Variants in TMTC2 observed in about 807,000 individuals in gnomAD.
TMTC2 encodes the protein transmembrane O-mannosyltransferase targeting cadherins 2, also known as protein O-mannosyl-transferase TMTC2.
Under a neutral mutation model 82.4 loss-of-function variants are expected in TMTC2, and 43 were observed. The ratio of observed to expected loss-of-function variants is 0.52; its 90% CI spans 0.41 to 0.67. The LOEUF (loss-of-function observed/expected upper bound fraction) is 0.67. Ranked by LOEUF, TMTC2 falls within the 30% of genes least tolerant of loss-of-function variation. The pLI is 0.00. For synonymous variants in TMTC2, 408 were observed against 381.9 expected (o/e 1.07, Z -0.80); for missense variants, 919 against 1,012.4 (o/e 0.91, Z 1.25).
rs1187567096 is a variant in TMTC2 at position 82,935,132 on chromosome 12, A to AC, written c.1598+4587_1598+4588insC. ...CATGGTATAGAATTTTGGTAAAAAA[A>AC]ATATCATTGGGTTTGCATACCTGTG... On this transcript the variant is annotated intron_variant, in intron 4 of 11. Transcript: ENST00000321196. 2.6e-5 allele frequency among the ~76,000 whole-genome samples: 4 copies of AC among 152,160 alleles called. No individual in the cohort carries two copies. The East Asian group carries it at 7.7e-4, about 29-fold the overall frequency.
intron 8 of TMTC2, among the ~76,000 whole-genome samples, chr12:83,026,777 G>C (rs1435094762): frequency 7.3e-5 from 11 of 151,070 alleles, no homozygotes; most frequent in Non-Finnish European, 1.6e-4. Flanking sequence ...TGTGTATTTT[G>C]TGGTTAGATA....
intron 7 of TMTC2, among the ~76,000 whole-genome samples, chr12:82,976,858 T>G (rs1160761758): frequency 6.6e-6 from 1 of 152,046 alleles, no homozygotes; most frequent in Non-Finnish European, 1.5e-5. Context: ...AAGAATTATC[T>G]GGAAATTTCT....
At chr12:82,728,645 C>A (rs1347094402) in intron 1 of TMTC2, among the ~76,000 whole-genome samples, 2 of 152,348 alleles carry the variant, frequency 1.3e-5, no homozygotes, top group South Asian at 2.1e-4. Context: ...TGGGCACCTC[C>A]TCGGCCTTGG....
intron 8 of TMTC2, among the ~76,000 whole-genome samples, chr12:82,995,379 C>G (rs1231370975): frequency 6.6e-6 from 1 of 151,988 alleles, no homozygotes; most frequent in Non-Finnish European, 1.5e-5. Context: ...CACATCTGTT[C>G]TAAGATGTGA....
intron 1 of TMTC2, among the ~76,000 whole-genome samples, chr12:82,843,300 T>C (rs1242746869): frequency 6.6e-6 from 1 of 151,994 alleles, no homozygotes; most frequent in Non-Finnish European, 1.5e-5. Context: ...TTGGCCAGGC[T>C]GGTCTCGAAC....
chr12:82,753,833 A>C (rs1876149813), intron 1 of TMTC2, among the ~76,000 whole-genome samples: 2 of 152,216 alleles, frequency 1.3e-5, no homozygotes, highest in African/African-American at 4.8e-5. Context: ...CTTGTGTCTT[A>C]TGGTGATGAA....
At chr12:83,116,063 C>A (rs1021597339) in intron 11 of TMTC2, among the ~76,000 whole-genome samples, 1 of 152,070 alleles carries the variant, frequency 6.6e-6, no homozygotes, top group African/African-American at 2.4e-5. Flanking sequence ...AATCTTTTAT[C>A]CTTCACCACC....
At chr12:82,828,508 CAT>C (rs1869562963) in intron 1 of TMTC2, among the ~76,000 whole-genome samples, 2 of 152,088 alleles carry the variant, frequency 1.3e-5, no homozygotes, top group Non-Finnish European at 2.9e-5. Flanking sequence ...CCAGGATGAA[CAT>C]TTGAAATGCT....
chr12:82,867,332 A>C (rs745674209), intron 2 of TMTC2, among the ~76,000 whole-genome samples: 3 of 152,226 alleles, frequency 2.0e-5, no homozygotes, highest in Admixed American at 6.5e-5. Flanking sequence ...AATAAAATGC[A>C]GAGATCATAG....
At chr12:83,098,213 C>A (rs559314966) in intron 11 of TMTC2, among the ~76,000 whole-genome samples, 1 of 152,310 alleles carries the variant, frequency 6.6e-6, no homozygotes, top group Admixed American at 6.5e-5. Flanking sequence ...AGCCTATCAT[C>A]CCAGCACATC....
chr12:83,038,016 T>C (rs1409418581), intron 9 of TMTC2, among the ~76,000 whole-genome samples: 2 of 151,494 alleles, frequency 1.3e-5, no homozygotes, highest in Non-Finnish European at 2.9e-5. Flanking sequence ...TAACCATCAT[T>C]CTCAGCAAAC....
chr12:82,947,322 G>A (rs1661267648), intron 4 of TMTC2, among the ~76,000 whole-genome samples: 1 of 55,132 alleles, frequency 1.8e-5, no homozygotes. Flanking sequence ...GGAGCAGAGT[G>A]CAATTTTTTT....
intron 11 of TMTC2, among the ~76,000 whole-genome samples, chr12:83,115,267 G>A (rs570920487): frequency 7.2e-5 from 11 of 152,112 alleles, no homozygotes; most frequent in East Asian, 1.9e-4. Flanking sequence ...AATGAATTAC[G>A]TTGCTTAAAT....
chr12:83,011,330 C>G (rs1197695236), intron 8 of TMTC2, among the ~76,000 whole-genome samples: 1 of 152,074 alleles, frequency 6.6e-6, no homozygotes, highest in East Asian at 1.9e-4. Context: ...TTTAACTTCT[C>G]TTTATCTCAT....
intron 11 of TMTC2, among the ~76,000 whole-genome samples, chr12:83,116,653 T>C (rs1338021977): frequency 2.0e-5 from 3 of 152,232 alleles, no homozygotes; most frequent in South Asian, 2.1e-4. Flanking sequence ...TGGTATCTCA[T>C]TGTGGCTTTG....
chr12:82,860,328 A>G lies in TMTC2; in HGVS notation c.654+2748A>G, dbSNP rs566339883. 5.9e-5 allele frequency among the ~76,000 whole-genome samples: 9 copies of G among 152,210 alleles called. No homozygotes were observed. In the South Asian group the frequency reaches 1.2e-3, roughly 21 times the overall value. ...CATCTTTGCCACTCTCTTCATTTCC[A>G]TCTGGGGTGTGGAGAGCCAGAGATG... is the stretch of plus-strand genomic sequence containing the variant. On this transcript the variant is annotated intron_variant, in intron 2 of 11. Coordinates refer to ENST00000321196, the MANE Select transcript of TMTC2 (RefSeq NM_152588.3).
chr12:82,980,776 CTCTA>C (rs2137328096), intron 7 of TMTC2, among the ~76,000 whole-genome samples: 1 of 151,988 alleles, frequency 6.6e-6, no homozygotes, highest in African/African-American at 2.4e-5. Flanking sequence ...GTACGCATCA[CTCTA>C]TCTGTGTCAT....
At chr12:83,029,864 T>C (rs1881353739) in intron 8 of TMTC2, among the ~76,000 whole-genome samples, 1 of 152,316 alleles carries the variant, frequency 6.6e-6, no homozygotes, top group Non-Finnish European at 1.5e-5. Flanking sequence ...TATGTAAACG[T>C]TCACCCCTGT....
chr12:82,963,422 A>G, intron 4 of TMTC2, among the ~76,000 whole-genome samples: 1 of 152,020 alleles, frequency 6.6e-6, no homozygotes, highest in Non-Finnish European at 1.5e-5. Flanking sequence ...CCCCTGGTGC[A>G]CTTACCCTTC....
Sources: gnomAD v4.1 joint callset for allele counts (sites outside exome capture counted in the v4.1 genomes callset) on GRCh38, gnomAD v4.1.1 for gene constraint, MANE v1.5 for transcripts, NCBI Gene and HGNC (gene_info 2026-07-23, HGNC 2026-07-21) for gene names.